The following SLC24A2 variants were observed in gnomAD, a reference collection of about 807,000 sequenced individuals.
The protein encoded by SLC24A2 is sodium/potassium/calcium exchanger 2.
In SLC24A2, 36 loss-of-function variants were observed where a neutral mutation model predicts 62.0. The observed-to-expected ratio is 0.58, with a 90% CI of 0.44 to 0.77. The LOEUF is 0.77. SLC24A2 is among the 30% of genes least tolerant of loss of function. SLC24A2 has a pLI of 0.00. For missense variants in SLC24A2, 846 were observed against 817.9 expected (o/e 1.03, Z -0.42); for synonymous variants, 358 against 294.0 (o/e 1.22, Z -2.23).
chr9:20,122,745 C>T, the SLC24A2 span, among the ~76,000 whole-genome samples: 3 of 152,226 alleles, frequency 2.0e-5, no homozygotes, highest in African/African-American at 7.2e-5. Flanking sequence ...TGACTTATCC[C>T]CTCTTTTGAT....
chr9:19,633,885 T>C (rs972385375), intron 2 of SLC24A2, among the ~76,000 whole-genome samples: 1 of 152,200 alleles, frequency 6.6e-6, no homozygotes, highest in African/African-American at 2.4e-5. Flanking sequence ...CCCCCTGTCT[T>C]TAATGTGTAC....
intron 2 of SLC24A2, among the ~76,000 whole-genome samples, chr9:19,735,789 A>T (rs912007663): frequency 6.6e-6 from 1 of 151,660 alleles, no homozygotes; most frequent in Non-Finnish European, 1.5e-5. Context: ...GTTCTCATTC[A>T]TAGGTGGGAA....
At chr9:20,261,487 C>T in the SLC24A2 span, among the ~76,000 whole-genome samples, 1 of 152,022 alleles carries the variant, frequency 6.6e-6, no homozygotes, top group Non-Finnish European at 1.5e-5. Context: ...AAAACTAACC[C>T]ACTCCTACAA....
intron 2 of SLC24A2, among the ~76,000 whole-genome samples, chr9:19,677,925 C>A (rs1218982295): frequency 3.3e-5 from 5 of 151,964 alleles, no homozygotes; most frequent in Non-Finnish European, 7.4e-5. Flanking sequence ...CACACACACA[C>A]AAGCACACAA....
chr9:20,052,766 G>A, the SLC24A2 span, among the ~76,000 whole-genome samples: 1 of 152,134 alleles, frequency 6.6e-6, no homozygotes, highest in Admixed American at 6.5e-5. Flanking sequence ...TGGAAATGTA[G>A]ACTCTTATTC....
the SLC24A2 span, among the ~76,000 whole-genome samples, chr9:20,006,158 C>T: frequency 6.6e-6 from 1 of 151,352 alleles, no homozygotes; most frequent in South Asian, 2.1e-4. Context: ...TATATACCTA[C>T]TTTTCATATT....
intron 7 of SLC24A2, among the ~76,000 whole-genome samples, chr9:19,571,140 G>A (rs1304298632): frequency 1.3e-5 from 2 of 152,174 alleles, no homozygotes; most frequent in Admixed American, 1.3e-4. Flanking sequence ...CCCAAGGGCA[G>A]CCAGATGTCC....
the SLC24A2 span, among the ~76,000 whole-genome samples, chr9:19,894,985 T>C: frequency 8.5e-5 from 13 of 152,362 alleles, no homozygotes; most frequent in South Asian, 2.5e-3. Flanking sequence ...AATGAAATTG[T>C]ATATTTCAAA....
At chr9:20,281,068 T>C in the SLC24A2 span, among the ~76,000 whole-genome samples, 729 of 152,266 alleles carry the variant, frequency 4.8e-3, 7 homozygotes, top group African/African-American at 0.015. Context: ...TAGCTGGGAC[T>C]ACAGGCATGA....
chr9:19,619,551 A>G (rs1182791133), intron 4 of SLC24A2, 33 bp downstream of exon 4: 5 of 1,540,842 alleles, frequency 3.2e-6, no homozygotes, highest in East Asian at 2.2e-5. Flanking sequence ...TTTTCCCCCC[A>G]AACAAGTTCC....
intron 4 of SLC24A2, among the ~76,000 whole-genome samples, chr9:19,617,308 G>A (rs1706939108): frequency 1.3e-5 from 2 of 152,142 alleles, no homozygotes; most frequent in South Asian, 4.1e-4. Flanking sequence ...CCTCCTGCTG[G>A]TACCAGTCCG....
At chr9:20,160,139 C>T in the SLC24A2 span, among the ~76,000 whole-genome samples, 1 of 151,216 alleles carries the variant, frequency 6.6e-6, no homozygotes. Flanking sequence ...GCTGAGGTTG[C>T]AATCTTAATA....
At chr9:20,263,773 T>C in the SLC24A2 span, among the ~76,000 whole-genome samples, 19,504 of 149,472 alleles carry the variant, frequency 0.13, 1,473 homozygotes, top group East Asian at 0.2. Flanking sequence ...TTGGTGCCAC[T>C]GGGACAAAGC....
chr9:20,106,370 C>G, the SLC24A2 span, among the ~76,000 whole-genome samples: 1 of 152,146 alleles, frequency 6.6e-6, no homozygotes, highest in African/African-American at 2.4e-5. Context: ...CATCGTGATA[C>G]CAAAGCCGGG....
the SLC24A2 span, among the ~76,000 whole-genome samples, chr9:20,277,640 G>A: frequency 2.6e-5 from 4 of 152,180 alleles, no homozygotes; most frequent in Non-Finnish European, 5.9e-5. Context: ...CTATTGGTGG[G>A]ACTGTGAACT....
the SLC24A2 span, among the ~76,000 whole-genome samples, chr9:20,136,661 C>G: frequency 2.8e-3 from 425 of 152,148 alleles, 1 homozygote; most frequent in African/African-American, 8.9e-3. Context: ...ATTATTTTTT[C>G]AAGAAACAGG....
chr9:19,618,809 G>A (rs1394920489), intron 4 of SLC24A2, among the ~76,000 whole-genome samples: 1 of 152,096 alleles, frequency 6.6e-6, no homozygotes, highest in Non-Finnish European at 1.5e-5. Context: ...GAACATACTT[G>A]GTTATATTTG....
chr9:20,278,971 A>G, the SLC24A2 span, among the ~76,000 whole-genome samples: 1 of 152,224 alleles, frequency 6.6e-6, no homozygotes, highest in African/African-American at 2.4e-5. Context: ...ACTTACAATC[A>G]TGGCAGAAGG....
At chr9:19,652,419 T>A (rs1320743785) in intron 2 of SLC24A2, among the ~76,000 whole-genome samples, 1 of 152,098 alleles carries the variant, frequency 6.6e-6, no homozygotes, top group African/African-American at 2.4e-5. Context: ...TGGGGCCCAA[T>A]GTAATCACAA....
Sources: allele counts gnomAD v4.1 joint callset (sites outside exome capture counted in the v4.1 genomes callset), GRCh38; gene constraint gnomAD v4.1.1; transcripts MANE v1.5; gene names NCBI Gene and HGNC (gene_info 2026-07-23, HGNC 2026-07-21).